Variants in HECW1 observed in about 807,000 individuals in gnomAD.
HECW1 encodes the protein E3 ubiquitin-protein ligase HECW1.
HECW1 carries 61 observed loss-of-function variants against 182.3 expected under a neutral mutation model. The observed-to-expected ratio is 0.33, with a 90% CI of 0.27 to 0.41. HECW1 has a LOEUF of 0.41. Among genes scored for constraint, HECW1 ranks in the 10% least tolerant of loss-of-function variants. The pLI is 1.00. For missense variants in HECW1, 1,739 were observed against 2,108.9 expected (o/e 0.82, Z 3.44); for synonymous variants, 859 against 832.6 (o/e 1.03, Z -0.55).
chr7:43,380,939 C>A (rs183429861), intron 6 of HECW1, among the ~76,000 whole-genome samples: 80 of 152,306 alleles, frequency 5.3e-4, no homozygotes, highest in Middle Eastern at 3.4e-3. Flanking sequence ...AGTGGTTTTA[C>A]AAATTTACAC....
intron 2 of HECW1, among the ~76,000 whole-genome samples, chr7:43,225,791 CT>C (rs919183942): frequency 7.0e-4 from 102 of 146,490 alleles, no homozygotes; most frequent in African/African-American, 8.5e-4. Context: ...CTGAATAGAT[CT>C]TTTTTTTTTT....
At chr7:43,395,284 A>G (rs139319341) in intron 6 of HECW1, among the ~76,000 whole-genome samples, 7 of 152,334 alleles carry the variant, frequency 4.6e-5, no homozygotes, top group African/African-American at 9.6e-5. Context: ...ACTGTAAACT[A>G]CAAACTAAGT....
At chr7:43,171,008 G>A (rs920493491) in intron 2 of HECW1, among the ~76,000 whole-genome samples, 4 of 152,168 alleles carry the variant, frequency 2.6e-5, no homozygotes, top group Non-Finnish European at 5.9e-5. Flanking sequence ...TGGATCAGTC[G>A]CATTTTCGCT....
Position 43,469,175 on chromosome 7 carries a change from T to G in HECW1, c.3099+70T>G, listed in dbSNP as rs567864814. 9.2e-5 allele frequency: 138 copies of G among 1,497,120 alleles called. 1 individual carries two copies. The East Asian group carries it at 3.1e-3, about 33-fold the overall frequency. The allele number at this position is 1,497,120 out of a possible 1,614,324, so 92.7% of individuals were successfully genotyped here. A position where few individuals can be genotyped will look rare whatever the true frequency, so the allele number is the denominator to read the frequency against. ...CCCCAGGGTGAAGCTAGCAAGGGCG[T>G]GAGGAGGAGAGTGTGGGGAGGAGTT... On this transcript the variant is annotated intron_variant, in intron 16 of 29. Coordinates refer to ENST00000395891, the MANE Select transcript of HECW1 (RefSeq NM_015052.5).
At position 43,445,474 on chromosome 7, in the gene HECW1, C is replaced by G; in HGVS notation, c.2302C>G (p.Pro768Ala). 6.2e-7 allele frequency: 1 copy of G among 1,612,392 alleles called. No individual in the cohort carries two copies. Among genetic ancestry groups the G allele is most frequent in the Non-Finnish European group, 8.5e-7 (1 of 1,179,408 alleles). The change falls in exon 11 of 30, where the codon CCG becomes GCG. Residue 768 changes from proline to alanine, a missense_variant. Physicochemically the swap from Pro to Ala is conservative, Grantham distance 27. Coordinates refer to ENST00000395891, the MANE Select transcript of HECW1 (RefSeq NM_015052.5). ...CCCGGAGTCCACGAACGGCGCTGGG[C>G]CGTGGCAAGACGAGCTGGCCGCCCC... The part of the protein sequence containing the change: ...LDPESTNGAG[P>A]WQDELAAPSG...
At chr7:43,220,620 T>C (rs532152773) in intron 2 of HECW1, among the ~76,000 whole-genome samples, 39 of 152,260 alleles carry the variant, frequency 2.6e-4, no homozygotes, top group African/African-American at 9.4e-4. Flanking sequence ...CAAGAAATTC[T>C]AAGGATTTAG....
At chr7:43,553,956 T>A (rs2081936181) in intron 28 of HECW1, among the ~76,000 whole-genome samples, 1 of 152,242 alleles carries the variant, frequency 6.6e-6, no homozygotes, top group South Asian at 2.1e-4. Flanking sequence ...TCTGAATGCC[T>A]CTTGCATTTG....
At chr7:43,364,157 T>G (rs1816319498) in intron 6 of HECW1, among the ~76,000 whole-genome samples, 1 of 152,208 alleles carries the variant, frequency 6.6e-6, no homozygotes, top group African/African-American at 2.4e-5. Flanking sequence ...AAACCTACCA[T>G]TCTTTGAAAA....
chr7:43,113,117 G>A (rs1378776470), intron 1 of HECW1, among the ~76,000 whole-genome samples, 180 bp downstream of exon 1: 2 of 152,058 alleles, frequency 1.3e-5, no homozygotes, highest in East Asian at 3.9e-4. Flanking sequence ...GGGTCGCGCC[G>A]CCGCCCGGTC....
chr7:43,341,652 G>C (rs1176196145), intron 5 of HECW1, among the ~76,000 whole-genome samples: 3 of 151,526 alleles, frequency 2.0e-5, no homozygotes, highest in East Asian at 3.9e-4. Flanking sequence ...AACATCTACT[G>C]TTTATTAAAC....
At chr7:43,544,722 C>T (rs546071885) in intron 26 of HECW1, among the ~76,000 whole-genome samples, 1 of 152,214 alleles carries the variant, frequency 6.6e-6, no homozygotes, top group Non-Finnish European at 1.5e-5. Context: ...AGCAGTAGAG[C>T]ACTGGTTAAA....
chr7:43,359,292 T>C (rs1445967599), intron 5 of HECW1, among the ~76,000 whole-genome samples: 1 of 152,184 alleles, frequency 6.6e-6, no homozygotes, highest in African/African-American at 2.4e-5. Context: ...CAAAATGTAG[T>C]ACTTTAGCTG....
At chr7:43,195,834 A>G (rs552015995) in intron 2 of HECW1, among the ~76,000 whole-genome samples, 1 of 152,222 alleles carries the variant, frequency 6.6e-6, no homozygotes, top group South Asian at 2.1e-4. Flanking sequence ...ACTCATGAAA[A>G]TTCCTGGAAG....
chr7:43,197,336 G>A (rs1386749756), intron 2 of HECW1, among the ~76,000 whole-genome samples: 1 of 152,048 alleles, frequency 6.6e-6, no homozygotes, highest in Non-Finnish European at 1.5e-5. Context: ...CACTCACACA[G>A]AGAAACAGCT....
At chr7:43,357,845 T>C (rs1440480672) in intron 5 of HECW1, among the ~76,000 whole-genome samples, 1 of 152,294 alleles carries the variant, frequency 6.6e-6, no homozygotes, top group Non-Finnish European at 1.5e-5. Context: ...ATTATATGAA[T>C]GTATTCAATC....
intron 24 of HECW1, among the ~76,000 whole-genome samples, chr7:43,534,667 C>CTCCACTA (rs1563099510): frequency 2.0e-5 from 3 of 152,310 alleles, no homozygotes; most frequent in Admixed American, 1.3e-4. Context: ...TATAGTTGCG[C>CTCCACTA]TCCACTGGGA....
At chr7:43,124,388 G>A (rs760406296) in intron 2 of HECW1, among the ~76,000 whole-genome samples, 8 of 152,162 alleles carry the variant, frequency 5.3e-5, no homozygotes, top group Non-Finnish European at 1.0e-4. Context: ...CAATTTTCAG[G>A]CAATGAGCTC....
intron 24 of HECW1, among the ~76,000 whole-genome samples, chr7:43,519,392 C>A (rs1344619182): frequency 6.6e-6 from 1 of 152,052 alleles, no homozygotes; most frequent in Non-Finnish European, 1.5e-5. Context: ...ACTACAGGCG[C>A]CCACTATCAC....
chr7:43,166,926 G>A (rs558829574), intron 2 of HECW1, among the ~76,000 whole-genome samples: 2 of 152,338 alleles, frequency 1.3e-5, no homozygotes, highest in South Asian at 4.1e-4. Context: ...GGATGACCCC[G>A]TGTGCCAGGC....
Sources: gnomAD v4.1 joint callset for allele counts (sites outside exome capture counted in the v4.1 genomes callset) on GRCh38, gnomAD v4.1.1 for gene constraint, MANE v1.5 for transcripts, NCBI Gene and HGNC (gene_info 2026-07-23, HGNC 2026-07-21) for gene names.